MECR: variants seen among roughly 807,000 people sequenced by gnomAD.
MECR encodes the protein enoyl-[acyl-carrier-protein] reductase, mitochondrial.
MECR carries 37 observed loss-of-function variants against 49.1 expected under a neutral mutation model. That is an observed-to-expected ratio of 0.75 (90% CI 0.58 to 0.99). The LOEUF (loss-of-function observed/expected upper bound fraction) is 0.99, where lower values mean the gene tolerates loss of function less well. MECR is among the 50% of genes least tolerant of loss of function. The pLI, the probability that MECR is intolerant of heterozygous loss-of-function variation, is 0.00. For synonymous variants in MECR, 198 were observed against 191.1 expected (o/e 1.04, Z -0.30); for missense variants, 470 against 479.6 (o/e 0.98, Z 0.19).
Position 29,230,527 on chromosome 1 carries a change from A to G in MECR, c.176+204T>C. 4 of 585,508 alleles carry G rather than the reference A, an allele frequency of 6.8e-6. No individual in the cohort carries two copies. The Admixed American group carries it at 1.4e-4, about 20-fold the overall frequency. 36.3% of individuals were successfully genotyped at this position (585,508 alleles called of 1,614,324 possible). ...TTCGATCAATAAACATCAGCCATTA[A>G]TACCCTGATAATTGCCTCTCGGGTC... On this transcript the variant is annotated intron_variant, in intron 1 of 9. Transcript: ENST00000263702.
the MECR span, among the ~76,000 whole-genome samples, chr1:29,185,188 G>A: frequency 1.3e-5 from 2 of 152,170 alleles, no homozygotes; most frequent in East Asian, 3.8e-4. Flanking sequence ...TCCCAGTGTT[G>A]AGATTACAGG....
chr1:29,183,414 TATC>T, the MECR span, among the ~76,000 whole-genome samples: 2 of 152,142 alleles, frequency 1.3e-5, no homozygotes, highest in African/African-American at 4.8e-5. Context: ...TCTCTATATA[TATC>T]ATCTATTCCT....
intron 3 of MECR, among the ~76,000 whole-genome samples, chr1:29,211,714 G>A (rs112462135): frequency 5.4e-5 from 1 of 18,414 alleles, no homozygotes; most frequent in Admixed American, 4.2e-4. Flanking sequence ...CTTGCCCCCT[G>A]ATTCCAAAGC....
At chr1:29,208,195 T>C (rs1373412666) in intron 3 of MECR, among the ~76,000 whole-genome samples, 1 of 152,182 alleles carries the variant, frequency 6.6e-6, no homozygotes, top group Non-Finnish European at 1.5e-5. Context: ...TTTCACCATG[T>C]TGGCCAGGCT....
At position 29,196,246 on chromosome 1, in the gene MECR, G is replaced by A. The variant is rs1444937119; in HGVS notation, c.843C>T (p.Thr281=). 2 of 1,612,942 alleles carry A rather than the reference G, an allele frequency of 1.2e-6. No homozygotes were observed. The highest frequency in any genetic ancestry group is 2.2e-5 in the South Asian group (2 of 91,000). ...TGGCCATCCCCCCATAGGTTACCAT[G>A]GTTCCTCCACGCCTGAAAAGTCCAA... The part of the protein sequence containing the change: ...ELLRQLARGG[T]MVTYGGMAKQ... The change falls in exon 8 of 10, where the codon ACC becomes ACT. Residue 281 remains threonine (T), a synonymous_variant. Transcript: ENST00000263702.
chr1:29,221,059 G>T, intron 1 of MECR: 2 of 256,950 alleles, frequency 7.8e-6, no homozygotes, highest in Non-Finnish European at 1.2e-5. Context: ...ATAAAGGTGG[G>T]CATGGTAGCA....
Position 29,230,689 on chromosome 1 carries a change from G to C in MECR, c.176+42C>G, listed in dbSNP as rs762896448. Reference sequence around the variant, plus strand: ...CCGCAGCTCGTGTTAAAGCCTTCCAGAAACCCCAGTCCCCTTCCCCGGCTT... The same window carrying C: ...CCGCAGCTCGTGTTAAAGCCTTCCACAAACCCCAGTCCCCTTCCCCGGCTT... On this transcript the variant is annotated intron_variant, in intron 1 of 9. Coordinates refer to ENST00000263702, the MANE Select transcript of MECR (RefSeq NM_016011.5). 3 of 1,546,478 alleles carry C rather than the reference G, an allele frequency of 1.9e-6. No individual in the cohort carries two copies. In the African/African-American group the frequency reaches 4.1e-5, roughly 21 times the overall value.
At chr1:29,196,364 G>A in intron 7 of MECR, 106 bp from the exon 8 acceptor site, 1 of 996,930 alleles carries the variant, frequency 1.0e-6, no homozygotes, top group Non-Finnish European at 1.5e-6. Context: ...TATAAACCCT[G>A]CTCTCAGAAT....
intron 9 of MECR, among the ~76,000 whole-genome samples, chr1:29,194,701 G>T (rs1182871658): frequency 6.6e-6 from 1 of 152,192 alleles, no homozygotes; most frequent in Non-Finnish European, 1.5e-5. Context: ...TCCTGCGAAG[G>T]ACCCTATATG....
At chr1:29,168,176 G>A in the MECR span, among the ~76,000 whole-genome samples, 2 of 148,390 alleles carry the variant, frequency 1.3e-5, no homozygotes, top group East Asian at 3.9e-4. Context: ...CACCATGCCC[G>A]GCAAATTTTT....
chr1:29,176,483 A>G, the MECR span, among the ~76,000 whole-genome samples: 1 of 127,354 alleles, frequency 7.9e-6, no homozygotes, highest in Admixed American at 7.3e-5. Flanking sequence ...TAAAAACTAA[A>G]AACTTTAAAA....
chr1:29,189,597 T>G (rs561333748), downstream of MECR, among the ~76,000 whole-genome samples: 17 of 152,334 alleles, frequency 1.1e-4, no homozygotes, highest in African/African-American at 3.8e-4. Context: ...TTGGCACTGT[T>G]TCCTTTCCAA....
At chr1:29,180,690 C>A in the MECR span, among the ~76,000 whole-genome samples, 47 of 152,298 alleles carry the variant, frequency 3.1e-4, no homozygotes, top group South Asian at 1.0e-3. Context: ...TATATCCATG[C>A]CTTCCAAGCC....
rs1679468647 is a variant in MECR, at chr1:29,216,596, A to G, written c.266T>C (p.Met89Thr). The G allele has an allele frequency of 4.3e-6, 7 of 1,614,192 alleles. No individual in the cohort carries two copies. Among genetic ancestry groups the G allele is most frequent in the African/African-American group, 1.3e-5 (1 of 75,056 alleles). The part of the protein sequence containing the change: ...AAPINPSDIN[M>T]IQGNYGFLPE... ...ACAGAAACCAAGGTTACCTTGGATC[A>G]TATTTATGTCAGATGGATTGATAGG... The change falls in exon 2 of 10, where the codon ATG becomes ACG. Residue 89 changes from methionine to threonine, a missense_variant. Met to Thr is a moderately conservative substitution (Grantham distance 81). Transcript: ENST00000263702.
At chr1:29,181,681 G>T in the MECR span, 1 of 1,597,490 alleles carries the variant, frequency 6.3e-7, no homozygotes. Flanking sequence ...TCTTCCCGTA[G>T]CCCTTAAAGA....
At chr1:29,196,174 T>C in intron 8 of MECR, 24 bp downstream of exon 8, 1 of 1,613,972 alleles carries the variant, frequency 6.2e-7, no homozygotes, top group South Asian at 1.1e-5. Flanking sequence ...GCTCCAGGCA[T>C]GCCTCCCTCT....
the MECR span, chr1:29,171,707 T>C: frequency 6.6e-6 from 1 of 152,058 alleles, no homozygotes; most frequent in Admixed American, 6.6e-5. Flanking sequence ...AAAGTAAAAT[T>C]TGCGGTTCTG....
Position 29,201,821 on chromosome 1 carries a change from G to A in MECR, c.756+122C>T. The A allele has an allele frequency of 1.2e-6, 1 of 869,060 alleles. No individual in the cohort carries two copies. The highest frequency in any genetic ancestry group is 1.9e-6 in the Non-Finnish European group (1 of 530,114). The allele number at this position is 869,060 out of a possible 1,614,324, so 53.8% of individuals were successfully genotyped here. On this transcript the variant is annotated intron_variant, in intron 6 of 9. Coordinates refer to ENST00000263702, the MANE Select transcript of MECR (RefSeq NM_016011.5). This position sits in a 1 kb window ranked among gnomAD's most constrained non-coding sequence, Gnocchi z 4.3. Reference sequence around the variant, plus strand: ...GGGGGAATGGGCTTTAACCAACCAAGAGGCAAAGGGAGGTTTCCAGAGAGG... The same window carrying A: ...GGGGGAATGGGCTTTAACCAACCAAAAGGCAAAGGGAGGTTTCCAGAGAGG...
chr1:29,202,521 A>G (rs544463312), intron 5 of MECR, among the ~76,000 whole-genome samples: 1 of 152,300 alleles, frequency 6.6e-6, no homozygotes, highest in South Asian at 2.1e-4. Context: ...GTGGGCTTCC[A>G]TGACAGCCAC....
Sources: allele counts gnomAD v4.1 joint callset (sites outside exome capture counted in the v4.1 genomes callset), GRCh38; gene constraint gnomAD v4.1.1; non-coding constraint Gnocchi (gnomAD v3.1); transcripts MANE v1.5; gene names NCBI Gene and HGNC (gene_info 2026-07-23, HGNC 2026-07-21).